ETV6: variants seen among roughly 807,000 people sequenced by gnomAD.
The protein encoded by ETV6 is ETS variant transcription factor 6.
Under a neutral mutation model 51.1 loss-of-function variants are expected in ETV6, and 16 were observed. The ratio of observed to expected loss-of-function variants is 0.31; its 90% confidence interval spans 0.21 to 0.48. ETV6 has a LOEUF of 0.48. Ranked by LOEUF, ETV6 falls within the 20% of genes least tolerant of loss-of-function variation. The pLI, the probability that ETV6 is intolerant of heterozygous loss-of-function variation, is 0.99. For synonymous variants in ETV6, 240 were observed against 224.1 expected, an observed-to-expected ratio of 1.07 and a Z score of -0.64; for missense variants, 458 against 594.8, an observed-to-expected ratio of 0.77 and a Z score of 2.39.
chr12:11,802,677 T>TA (rs1446615068), intron 2 of ETV6, among the ~76,000 whole-genome samples: 3 of 152,234 alleles, frequency 2.0e-5, no homozygotes. Flanking sequence ...AAATAGACTT[T>TA]ACAATCATTT....
intron 1 of ETV6, among the ~76,000 whole-genome samples, chr12:11,677,466 T>C (rs1008348065): frequency 1.3e-5 from 2 of 152,242 alleles, no homozygotes; most frequent in Non-Finnish European, 1.5e-5. Context: ...GGCACTGCAC[T>C]AAGACCTGTT....
intron 2 of ETV6, among the ~76,000 whole-genome samples, chr12:11,777,085 A>G (rs972350663): frequency 7.2e-5 from 11 of 152,004 alleles, no homozygotes; most frequent in Non-Finnish European, 1.3e-4. Context: ...AAAAATATTT[A>G]AAAAATTAGC....
At chr12:11,858,117 C>T (rs1324462326) in intron 4 of ETV6, among the ~76,000 whole-genome samples, 1 of 152,164 alleles carries the variant, frequency 6.6e-6, no homozygotes. Flanking sequence ...CTTATTTCAT[C>T]ATAAAAAGCT....
At chr12:11,752,373 G>A (rs1026861368) in intron 1 of ETV6, 77 bp from the exon 2 acceptor site, 43 of 1,521,070 alleles carry the variant, frequency 2.8e-5, no homozygotes, top group Middle Eastern at 1.8e-4. Flanking sequence ...TCCCCACCCC[G>A]AGATGGTCTC....
At chr12:11,722,009 G>T (rs986849702) in intron 1 of ETV6, among the ~76,000 whole-genome samples, 1 of 152,174 alleles carries the variant, frequency 6.6e-6, no homozygotes. Flanking sequence ...GGTATCATAG[G>T]TTACCTCTGT....
intron 1 of ETV6, among the ~76,000 whole-genome samples, chr12:11,724,236 G>T (rs903027226): frequency 1.3e-5 from 2 of 152,188 alleles, no homozygotes; most frequent in African/African-American, 4.8e-5. Flanking sequence ...TTGCACCATT[G>T]ATGTGGCCAG....
intron 1 of ETV6, among the ~76,000 whole-genome samples, chr12:11,664,821 G>A (rs1416412867): frequency 6.6e-6 from 1 of 152,076 alleles, no homozygotes; most frequent in Non-Finnish European, 1.5e-5. Context: ...TCTCCTCTCT[G>A]ATCTTCCTTC....
intron 1 of ETV6, among the ~76,000 whole-genome samples, chr12:11,742,151 T>A (rs1274423492): frequency 1.3e-5 from 2 of 152,182 alleles, no homozygotes; most frequent in Admixed American, 1.3e-4. Context: ...CTACAAGAGT[T>A]TCCTTCTTAT....
At chr12:11,849,572 C>T (rs1057264028) in intron 3 of ETV6, among the ~76,000 whole-genome samples, 1 of 152,212 alleles carries the variant, frequency 6.6e-6, no homozygotes, top group Non-Finnish European at 1.5e-5. Context: ...CTGCTATAGA[C>T]AAGACACATA....
intron 1 of ETV6, among the ~76,000 whole-genome samples, chr12:11,669,215 T>C (rs924737478): frequency 2.0e-5 from 3 of 152,148 alleles, no homozygotes; most frequent in Non-Finnish European, 4.4e-5. Context: ...TCTTTAACCA[T>C]AAGGTGCGCA....
chr12:11,669,929 T>TC (rs1864281148), intron 1 of ETV6, among the ~76,000 whole-genome samples: 1 of 152,110 alleles, frequency 6.6e-6, no homozygotes, highest in African/African-American at 2.4e-5. Flanking sequence ...AGGCCCTTCT[T>TC]CCCCGGCGGC....
intron 1 of ETV6, among the ~76,000 whole-genome samples, chr12:11,722,579 A>G (rs1264536875): frequency 6.6e-6 from 1 of 152,202 alleles, no homozygotes; most frequent in Non-Finnish European, 1.5e-5. Context: ...AGAATATTCA[A>G]GGCCTGTTGT....
At position 11,696,445 on chromosome 12, in the gene ETV6, C is replaced by G. The variant is rs74062388; in HGVS notation, c.33+46285C>G. Among the ~76,000 whole-genome samples, 178 of 152,298 alleles carry G rather than the reference C, an allele frequency of 1.2e-3. 1 individual carries two copies. Among genetic ancestry groups the G allele is most frequent in the African/African-American group, 4.1e-3 (169 of 41,558 alleles). On this transcript the variant is annotated intron_variant, in intron 1 of 7. Transcript: ENST00000396373. Reference sequence around the variant, plus strand: ...ATAGGGATTAAAATAGTGCCTACTTCATGGAGTTGCAATAAAAACTAAGGG... The same window carrying G: ...ATAGGGATTAAAATAGTGCCTACTTGATGGAGTTGCAATAAAAACTAAGGG...
chr12:11,706,722 G>T (rs575714131), intron 1 of ETV6, among the ~76,000 whole-genome samples: 48 of 152,356 alleles, frequency 3.2e-4, no homozygotes, highest in African/African-American at 1.0e-3. Context: ...TGCAGGGCCC[G>T]ACTGTTACAA....
intron 2 of ETV6, among the ~76,000 whole-genome samples, chr12:11,782,412 A>G (rs922549561): frequency 7.2e-5 from 11 of 152,190 alleles, no homozygotes; most frequent in African/African-American, 2.7e-4. Context: ...TTTAACCTGG[A>G]AAGACAGCTG....
chr12:11,793,142 G>A (rs761314638), intron 2 of ETV6, among the ~76,000 whole-genome samples: 3 of 151,624 alleles, frequency 2.0e-5, no homozygotes, highest in Non-Finnish European at 4.4e-5. Flanking sequence ...GACTGATATC[G>A]GAGCTTTCAG....
chr12:11,813,105 G>T (rs1945939116), intron 2 of ETV6, among the ~76,000 whole-genome samples: 1 of 152,262 alleles, frequency 6.6e-6, no homozygotes, highest in Non-Finnish European at 1.5e-5. Flanking sequence ...GCCAGCCGGA[G>T]CCAACAGCTT....
intron 1 of ETV6, among the ~76,000 whole-genome samples, chr12:11,666,686 G>T (rs1315424838): frequency 1.3e-5 from 2 of 152,184 alleles, no homozygotes; most frequent in East Asian, 3.8e-4. Context: ...GTACAGCTGG[G>T]ATTCAGGGCA....
At chr12:11,787,092 C>T (rs920839768) in intron 2 of ETV6, among the ~76,000 whole-genome samples, 7 of 152,120 alleles carry the variant, frequency 4.6e-5, no homozygotes, top group African/African-American at 1.4e-4. Context: ...TCAAATGTCT[C>T]GTGGTAATTC....
Sources: allele counts gnomAD v4.1 joint callset (sites outside exome capture counted in the v4.1 genomes callset), GRCh38; gene constraint gnomAD v4.1.1; transcripts MANE v1.5; gene names NCBI Gene and HGNC (gene_info 2026-07-23, HGNC 2026-07-21).